The following PCED1B variants were observed in gnomAD, a reference collection of about 807,000 sequenced individuals.
The protein encoded by PCED1B is PC-esterase domain containing 1B.
For synonymous variants in PCED1B, 251 were observed against 246.1 expected (o/e 1.02, Z -0.19); for missense variants, 573 against 573.9 (o/e 1.00, Z 0.02).
At chr12:47,169,171 A>G (rs1468216387) in intron 2 of PCED1B, among the ~76,000 whole-genome samples, 1 of 152,226 alleles carries the variant, frequency 6.6e-6, no homozygotes, top group East Asian at 1.9e-4. Flanking sequence ...GTATTTTTAT[A>G]CTAGGTTTGA....
chr12:47,168,067 A>G (rs1444342142), intron 2 of PCED1B, among the ~76,000 whole-genome samples: 3 of 152,192 alleles, frequency 2.0e-5, no homozygotes, highest in African/African-American at 7.2e-5. Context: ...AAAAATGATG[A>G]AGAGAAAAAA....
chr12:47,100,992 C>T (rs1938680021), intron 1 of PCED1B, among the ~76,000 whole-genome samples: 1 of 152,076 alleles, frequency 6.6e-6, no homozygotes. Flanking sequence ...ATCACTTGAA[C>T]CCGGGAGGTG....
intron 2 of PCED1B, among the ~76,000 whole-genome samples, chr12:47,168,352 G>A (rs7979044): frequency 0.94 from 143,167 of 152,202 alleles, 67,734 homozygotes; most frequent in Non-Finnish European, 0.99. Context: ...AAATGTTGCC[G>A]TTGAATCTAA....
chr12:47,173,906 G>A (rs773769358), intron 2 of PCED1B, among the ~76,000 whole-genome samples: 1 of 152,200 alleles, frequency 6.6e-6, no homozygotes, highest in Non-Finnish European at 1.5e-5. Flanking sequence ...ATGCTTTGAA[G>A]ACTATTCTTA....
At chr12:47,095,920 T>C (rs887163287) in intron 1 of PCED1B, among the ~76,000 whole-genome samples, 1 of 152,210 alleles carries the variant, frequency 6.6e-6, no homozygotes, top group Non-Finnish European at 1.5e-5. Flanking sequence ...GCTTGGTTTT[T>C]TTTTACTCTG....
intron 2 of PCED1B, among the ~76,000 whole-genome samples, chr12:47,147,522 A>G (rs1170126187): frequency 2.0e-5 from 3 of 151,852 alleles, no homozygotes; most frequent in African/African-American, 4.8e-5. Context: ...ATTTCTACTG[A>G]TATCTATTTA....
chr12:47,120,295 G>T (rs1305342919), intron 2 of PCED1B, among the ~76,000 whole-genome samples: 1 of 152,102 alleles, frequency 6.6e-6, no homozygotes, highest in African/African-American at 2.4e-5. Flanking sequence ...GTTAAACAAG[G>T]AGTAACCATA....
At chr12:47,109,676 A>G (rs951851832) in intron 2 of PCED1B, among the ~76,000 whole-genome samples, 7 of 152,230 alleles carry the variant, frequency 4.6e-5, no homozygotes, top group Non-Finnish European at 7.3e-5. Context: ...ATGCATTTAT[A>G]ACATATTCAT....
At chr12:47,232,435 C>T (rs1280807233) in intron 3 of PCED1B, among the ~76,000 whole-genome samples, 1 of 152,140 alleles carries the variant, frequency 6.6e-6, no homozygotes, top group Admixed American at 6.5e-5. Flanking sequence ...TTTAAAACTA[C>T]AAATAGGATA....
intron 2 of PCED1B, among the ~76,000 whole-genome samples, chr12:47,183,916 C>G (rs1277403963): frequency 6.6e-6 from 1 of 152,184 alleles, no homozygotes; most frequent in East Asian, 1.9e-4. Context: ...CTATGCTAGG[C>G]AGTGGGGATA....
At chr12:47,113,967 C>A (rs7973901) in intron 2 of PCED1B, among the ~76,000 whole-genome samples, 5,633 of 114,944 alleles carry the variant, frequency 0.049, 284 homozygotes, top group African/African-American at 0.14. Flanking sequence ...AAAAAAAAAA[C>A]ACACACACAC....
At chr12:47,159,219 C>T (rs545914004) in intron 2 of PCED1B, among the ~76,000 whole-genome samples, 17 of 151,994 alleles carry the variant, frequency 1.1e-4, no homozygotes, top group Non-Finnish European at 2.1e-4. Context: ...TGCAGGTATC[C>T]GTTTAATATA....
intron 1 of PCED1B, among the ~76,000 whole-genome samples, chr12:47,085,507 G>GC (rs1220975537): frequency 3.3e-5 from 5 of 152,216 alleles, no homozygotes; most frequent in African/African-American, 1.2e-4. Context: ...TTCTTAATGT[G>GC]CAACAGGGAT....
chr12:47,177,887 C>T (rs1018961378), intron 2 of PCED1B, among the ~76,000 whole-genome samples: 9 of 151,930 alleles, frequency 5.9e-5, no homozygotes, highest in South Asian at 4.2e-4. Context: ...GTGGAGGTTG[C>T]GGTGAGCCGA....
chr12:47,166,015 C>A (rs896630143), intron 2 of PCED1B, among the ~76,000 whole-genome samples: 1 of 152,160 alleles, frequency 6.6e-6, no homozygotes, highest in Admixed American at 6.5e-5. Flanking sequence ...CCCACTCCCC[C>A]ACCACGAGAC....
At chr12:47,088,966 A>G (rs766592299) in intron 1 of PCED1B, among the ~76,000 whole-genome samples, 2 of 152,188 alleles carry the variant, frequency 1.3e-5, no homozygotes, top group African/African-American at 2.4e-5. Context: ...TAGAAACAGA[A>G]TATGCATTGC....
chr12:47,197,836 C>A (rs1942652298), intron 2 of PCED1B, among the ~76,000 whole-genome samples: 1 of 151,686 alleles, frequency 6.6e-6, no homozygotes, highest in African/African-American at 2.4e-5. Flanking sequence ...CTACTGAAAC[C>A]CACACAAAGA....
chr12:47,110,871 C>CT (rs1939164098), intron 2 of PCED1B, among the ~76,000 whole-genome samples: 2 of 152,144 alleles, frequency 1.3e-5, no homozygotes, highest in South Asian at 4.1e-4. Context: ...TTTGATGTCC[C>CT]GCATCACAGT....
chr12:47,142,461 A>G (rs531266500), intron 2 of PCED1B, among the ~76,000 whole-genome samples: 2 of 152,386 alleles, frequency 1.3e-5, no homozygotes, highest in South Asian at 4.1e-4. Flanking sequence ...ATAAAGCTCC[A>G]GTAACCAACC....
Sources: gnomAD v4.1 joint callset for allele counts (sites outside exome capture counted in the v4.1 genomes callset) on GRCh38, gnomAD v4.1.1 for gene constraint, MANE v1.5 for transcripts, NCBI Gene and HGNC (gene_info 2026-07-23, HGNC 2026-07-21) for gene names.